Variants in ATG16L2 observed in about 807,000 individuals in gnomAD.
ATG16L2 encodes the protein autophagy related 16 like 2.
ATG16L2 carries 77 observed loss-of-function variants against 84.7 expected under a neutral mutation model. The observed-to-expected ratio is 0.91, with a 90% CI of 0.76 to 1.10. The LOEUF is 1.10. Ranked by LOEUF, ATG16L2 falls within the 50% of genes least tolerant of loss-of-function variation. ATG16L2 has a pLI of 0.00. For missense variants in ATG16L2, 782 were observed against 817.6 expected (o/e 0.96, Z 0.53); for synonymous variants, 361 against 342.8 (o/e 1.05, Z -0.59).
chr11:72,841,708 C>T (rs1860958378), intron 5 of ATG16L2: 4 of 1,036,822 alleles, frequency 3.9e-6, no homozygotes, highest in Admixed American at 6.4e-5. Context: ...AACTTGTCAA[C>T]CTCATTAGAG....
At chr11:72,828,670 T>C (rs1337347457) in intron 15 of ATG16L2, 59 bp from the exon 16 acceptor site, 4 of 1,607,308 alleles carry the variant, frequency 2.5e-6, no homozygotes, top group Admixed American at 1.7e-5. Flanking sequence ...GGAAGCTCAC[T>C]GCAGAGGGCA....
intron 5 of ATG16L2, chr11:72,841,683 T>A: frequency 7.9e-6 from 10 of 1,263,910 alleles, no homozygotes; most frequent in Non-Finnish European, 1.1e-5. Flanking sequence ...TCTCTAAAGC[T>A]AAGCTGATTG....
At position 72,814,453 on chromosome 11, in the gene ATG16L2, G is replaced by T. The variant is rs1859585082; in HGVS notation, c.8G>T (p.Gly3Val). 6.7e-7 allele frequency: 1 copy of T among 1,503,208 alleles called. No individual in the cohort carries two copies. Among genetic ancestry groups the T allele is most frequent in the Admixed American group, 2.1e-5 (1 of 48,610 alleles). The allele number at this position is 1,503,208 out of a possible 1,614,324, so 93.1% of individuals were successfully genotyped here. ...AGGCGGGAGAGCGCGGCCATGGCGG[G>T]GCCGGGCGTCCCCGGTGCCCCCGCA... MA[G>V]PGVPGAPAAR... The change falls in exon 1 of 18, where the codon GGG (glycine) becomes GTG (valine). Residue 3 changes from glycine to valine, a missense_variant. Gly to Val is a moderately radical substitution (Grantham distance 109). Coordinates refer to ENST00000321297, the MANE Select transcript of ATG16L2 (RefSeq NM_033388.2).
chr11:72,842,303 C>T lies in ATG16L2; in HGVS notation c.*22-314C>T, dbSNP rs376985892. ...ACTACGTAAATTAACCACAGAGCAA[C>T]GCCTTCCCTCTTCGGTTTGTTTCTT... On this transcript the variant is annotated intron_variant, in intron 5 of 5. Coordinates refer to the ATG16L2 transcript ENST00000534905. 3.0e-4 allele frequency among the ~76,000 whole-genome samples: 46 copies of T among 152,356 alleles called. No homozygotes were observed. The South Asian group carries it at 6.0e-3, about 20-fold the overall frequency.
At chr11:72,824,908 C>T (rs1374296678) in intron 9 of ATG16L2, 66 bp downstream of exon 9, 6 of 1,379,428 alleles carry the variant, frequency 4.3e-6, no homozygotes, top group East Asian at 2.4e-5. Context: ...GGGGTGGTCT[C>T]GGCACCAGGG....
chr11:72,821,309 G>A, intron 3 of ATG16L2: 2 of 1,047,506 alleles, frequency 1.9e-6, no homozygotes, highest in South Asian at 3.4e-5. Context: ...GCCTCTGCGC[G>A]AGGAGTCCTC....
At chr11:72,817,611 T>G in intron 2 of ATG16L2, 145 bp from the exon 3 acceptor site, 1 of 759,662 alleles carries the variant, frequency 1.3e-6, no homozygotes. Flanking sequence ...AGACTTGCCT[T>G]TTCCTTTACT....
At chr11:72,836,032 G>A (rs1228089759) in intron 5 of ATG16L2, among the ~76,000 whole-genome samples, 2 of 152,246 alleles carry the variant, frequency 1.3e-5, no homozygotes, top group Non-Finnish European at 2.9e-5. Context: ...ACAGGCATGA[G>A]CCACTGCGCC....
At chr11:72,832,478 C>T (rs1860626816), downstream of ATG16L2, among the ~76,000 whole-genome samples, 1 of 152,184 alleles carries the variant, frequency 6.6e-6, no homozygotes, top group African/African-American at 2.4e-5. Flanking sequence ...AGCTCACAGA[C>T]TGAGCAGAGG....
intron 3 of ATG16L2, chr11:72,818,618 T>C (rs1859816182): frequency 6.6e-6 from 1 of 152,250 alleles, no homozygotes; most frequent in African/African-American, 2.4e-5. Flanking sequence ...GGCTAAACAT[T>C]GTCTCAGTTA....
Position 72,829,530 on chromosome 11 carries a change from T to C in ATG16L2, c.*140T>C, listed in dbSNP as rs937554034. The C allele has an allele frequency of 2.1e-6, 3 of 1,415,002 alleles. No homozygotes were observed. Among genetic ancestry groups the C allele is most frequent in the Non-Finnish European group, 2.8e-6 (3 of 1,084,954 alleles). 87.7% of individuals were successfully genotyped at this position (1,415,002 alleles called of 1,614,324 possible). On this transcript the variant is annotated 3_prime_UTR_variant, in exon 18 of 18. Coordinates refer to ENST00000321297, the MANE Select transcript of ATG16L2 (RefSeq NM_033388.2). ...AAGGCCTGGCAGGACCTGGCCTGTT[T>C]GTTTAAAAATGAAGTATGGGTTGGG...
chr11:72,835,747 A>AT lies in ATG16L2; in HGVS notation c.*22-6852dup, dbSNP rs112275640. On this transcript the variant is annotated intron_variant, in intron 5 of 5. Transcript: ENST00000534905. ...CTACCCAACATTTATACTGGAACAT[A>AT]TTTTTTTTTTTTTTTTTTGAGACAG... 7.8e-3 allele frequency among the ~76,000 whole-genome samples: 1,084 copies of AT among 139,494 alleles called. 7 individuals carry two copies. Among genetic ancestry groups the AT allele is most frequent in the Middle Eastern group, 0.015 (4 of 262 alleles). The allele number at this position is 139,494 out of a possible 152,430, so 91.5% of individuals were successfully genotyped here.
At chr11:72,829,183 AGAT>A in intron 17 of ATG16L2, 117 bp from the exon 18 acceptor site, 4 of 1,209,896 alleles carry the variant, frequency 3.3e-6, no homozygotes, top group Non-Finnish European at 4.7e-6. Flanking sequence ...CTAACTTGAC[AGAT>A]GAGGAAACAG....
chr11:72,821,853 C>T (rs1860013740), intron 4 of ATG16L2, 112 bp downstream of exon 4: 1 of 1,446,034 alleles, frequency 6.9e-7, no homozygotes, highest in African/African-American at 1.4e-5. Flanking sequence ...CTACGTCCCC[C>T]CGACCCCATC....
chr11:72,832,104 GGAGT>G (rs963255659), downstream of ATG16L2, among the ~76,000 whole-genome samples: 8 of 152,238 alleles, frequency 5.3e-5, no homozygotes, highest in African/African-American at 1.7e-4. Context: ...CAGGGACACA[GGAGT>G]GAGGGAACTT....
chr11:72,831,891 A>G (rs983310152), downstream of ATG16L2, among the ~76,000 whole-genome samples: 1 of 152,214 alleles, frequency 6.6e-6, no homozygotes, highest in Non-Finnish European at 1.5e-5. Context: ...CTCTTTTTAA[A>G]GCAACGTGTT....
chr11:72,827,161 C>A, intron 13 of ATG16L2, 27 bp from the exon 14 acceptor site: 2 of 1,574,362 alleles, frequency 1.3e-6, no homozygotes, highest in Non-Finnish European at 1.7e-6. Flanking sequence ...TCCTCTGAGG[C>A]CCTGGGGTCT....
chr11:72,816,692 G>C (rs1435962416), intron 1 of ATG16L2, 36 bp from the exon 2 acceptor site: 2 of 1,555,554 alleles, frequency 1.3e-6, no homozygotes, highest in East Asian at 4.5e-5. Context: ...CTGGGTATCT[G>C]TCTCTGCCCC....
In ATG16L2 at chr11:72,829,407, C is replaced by G. The variant is rs748827195; in HGVS notation, c.*17C>G. On this transcript the variant is annotated 3_prime_UTR_variant, in exon 18 of 18. Coordinates refer to ENST00000321297, the MANE Select transcript of ATG16L2 (RefSeq NM_033388.2). ...TGGCAGTAGGGCCACGACCTGCCTG[C>G]CTGGGCTGGAGCTCTTGCCCGAAGC... is the stretch of plus-strand genomic sequence containing the variant. The G allele has an allele frequency of 6.2e-7, 1 of 1,605,580 alleles. No homozygotes were observed. Among genetic ancestry groups the G allele is most frequent in the East Asian group, 2.2e-5 (1 of 44,712 alleles).
Sources: allele counts gnomAD v4.1 joint callset (sites outside exome capture counted in the v4.1 genomes callset), GRCh38; gene constraint gnomAD v4.1.1; transcripts MANE v1.5; gene names NCBI Gene and HGNC (gene_info 2026-07-23, HGNC 2026-07-21).